Variants in PMM1 observed in about 807,000 individuals in gnomAD.
PMM1 encodes the protein phosphomannomutase 1, also known as brain glucose-1,6-bisphosphatase.
In PMM1, 25 loss-of-function variants were observed where a neutral mutation model predicts 34.0. That is an observed-to-expected ratio of 0.73 (90% CI 0.54 to 1.03). The LOEUF is 1.03. Among genes scored for constraint, PMM1 ranks in the 50% least tolerant of loss-of-function variants. The pLI, the probability that PMM1 is intolerant of heterozygous loss-of-function variation, is 0.00. For synonymous variants in PMM1, 134 were observed against 143.9 expected (o/e 0.93, Z 0.49); for missense variants, 321 against 350.1 (o/e 0.92, Z 0.66).
intron 5 of PMM1, chr22:41,579,123 CT>C: frequency 2.0e-6 from 1 of 508,406 alleles, no homozygotes; most frequent in South Asian, 2.1e-5. Context: ...TGGGCTGGGT[CT>C]TCTGAAGGAG....
intron 1 of PMM1, chr22:41,588,997 C>A: frequency 8.5e-7 from 1 of 1,178,954 alleles, no homozygotes; most frequent in South Asian, 1.3e-5. Flanking sequence ...AAAAACTGAG[C>A]AGAGGTAAGA....
chr22:41,578,043 A>G (rs2067194711), intron 6 of PMM1, 120 bp from the exon 7 acceptor site: 4 of 695,474 alleles, frequency 5.8e-6, no homozygotes, highest in Non-Finnish European at 1.0e-5. Flanking sequence ...GGCCAGGAAT[A>G]GGACACGGGA....
intron 6 of PMM1, among the ~76,000 whole-genome samples, chr22:41,578,299 G>A (rs1242687154): frequency 6.6e-6 from 1 of 152,178 alleles, no homozygotes; most frequent in South Asian, 2.1e-4. Context: ...GGCAGGCCCT[G>A]GGCATCACAT....
At chr22:41,586,654 G>A (rs890369181) in intron 1 of PMM1, among the ~76,000 whole-genome samples, 39 of 151,668 alleles carry the variant, frequency 2.6e-4, no homozygotes, top group African/African-American at 8.7e-4. Flanking sequence ...GATTACAGGC[G>A]CCTGCCACCA....
intron 1 of PMM1, 76 bp downstream of exon 1, chr22:41,589,643 C>A: frequency 7.8e-7 from 1 of 1,281,934 alleles, no homozygotes. Context: ...GGTCACGCTG[C>A]TGCAGACCCC....
At position 41,577,258 on chromosome 22, in the gene PMM1, C is replaced by A. The variant is rs572729107; in HGVS notation, c.*60G>T. ...CCCTGGCATCTATCCAACACCAGGA[C>A]CTCTCTTTAGGCCTAGGCCAAACTC... is the stretch of plus-strand genomic sequence containing the variant. On this transcript the variant is annotated 3_prime_UTR_variant, in exon 8 of 8. Coordinates refer to ENST00000216259, the MANE Select transcript of PMM1 (RefSeq NM_002676.3). 8 of 1,608,040 alleles carry A rather than the reference C, an allele frequency of 5.0e-6. No homozygotes were observed. The African/African-American group carries it at 1.1e-4, about 21-fold the overall frequency.
chr22:41,589,718 C>G lies in PMM1; in HGVS notation c.87+1G>C, dbSNP rs765415944. On this transcript the variant is annotated splice_donor_variant, in intron 1 of 7. Coordinates refer to ENST00000216259, the MANE Select transcript of PMM1 (RefSeq NM_002676.3). LOFTEE classifies it high-confidence loss of function. ...GGAGCTTCCAATCTTCAGGGTCCTA[C>G]CTGGCGAGCCGGCGTGAGGGTCCCG... 1 of 1,610,178 alleles carries G rather than the reference C, an allele frequency of 6.2e-7. No individual in the cohort carries two copies. The highest frequency in any genetic ancestry group is 8.5e-7 in the Non-Finnish European group (1 of 1,178,802).
At position 41,577,845 on chromosome 22, in the gene PMM1, A is replaced by G; in HGVS notation, c.629T>C (p.Phe210Ser). ...GTTCCCAAAGAAGTGGATGGTGTCG[A>G]AGCTGTCCTGGTCCAGGCTATCCAG... ...YCLDSLDQDSFDTIHFFGNET... is the reference protein window; with the variant it reads ...YCLDSLDQDSSDTIHFFGNET... Residue 210 changes from phenylalanine (F) to serine (S), a missense_variant, in exon 7 of 8, where the codon TTC becomes TCC. Coordinates refer to ENST00000216259, the MANE Select transcript of PMM1 (RefSeq NM_002676.3). 6.2e-7 allele frequency: 1 copy of G among 1,613,468 alleles called. No homozygotes were observed. Among genetic ancestry groups the G allele is most frequent in the Non-Finnish European group, 8.5e-7 (1 of 1,179,938 alleles).
chr22:41,584,997 C>G (rs959316463), intron 2 of PMM1: 3 of 160,282 alleles, frequency 1.9e-5, no homozygotes, highest in African/African-American at 7.2e-5. Flanking sequence ...CTATAGCTGC[C>G]ATCGCACTGG....
At position 41,584,547 on chromosome 22, in the gene PMM1, C is replaced by T. The variant is rs763520750; in HGVS notation, c.262G>A (p.Gly88Arg). 8 of 1,613,654 alleles carry T rather than the reference C, an allele frequency of 5.0e-6. No homozygotes were observed. The highest frequency in any genetic ancestry group is 4.0e-5 in the African/African-American group (3 of 74,906). Residue 88 changes from glycine (G) to arginine (R), a missense_variant, in exon 3 of 8, where the codon GGA becomes AGA. By Grantham distance (125) the Gly-to-Arg change is moderately radical. Transcript: ENST00000216259. Reference sequence around the variant, plus strand: ...CTGACCTGCTTGGAGAGCAGTCGTCCGTGCTTATACTGCACCGTCCCGTTC... The same window carrying T: ...CTGACCTGCTTGGAGAGCAGTCGTCTGTGCTTATACTGCACCGTCCCGTTC... ...AENGTVQYKH[G>R]RLLSKQTIQN... is the part of the protein sequence containing the mutation.
In PMM1 at chr22:41,586,171, G is replaced by C. The variant is rs767370450; in HGVS notation, c.110C>G (p.Ala37Gly). 1.2e-6 allele frequency: 2 copies of C among 1,611,518 alleles called. No individual in the cohort carries two copies. The highest frequency in any genetic ancestry group is 1.7e-6 in the Non-Finnish European group (2 of 1,179,730). ...TCTACTTCGTAGCTTCTGCAGGAAG[G>C]CGGCCACCTCAGGGTCAATTTTCTA... is the stretch of plus-strand genomic sequence containing the variant. ...ARQKIDPEVA[A>G]FLQKLRSRVQ... The change falls in exon 2 of 8, where the codon GCC becomes GGC. Residue 37 changes from alanine (A) to glycine (G), a missense_variant. Ala to Gly is a moderately conservative substitution (Grantham distance 60). Transcript: ENST00000216259.
intron 1 of PMM1, chr22:41,586,416 G>T: frequency 2.8e-6 from 2 of 714,200 alleles, no homozygotes; most frequent in Non-Finnish European, 4.2e-6. Flanking sequence ...TGACCCAGGA[G>T]TTTGAGACTA....
chr22:41,586,518 G>A (rs1465725460), intron 1 of PMM1: 2 of 274,478 alleles, frequency 7.3e-6, no homozygotes, highest in South Asian at 4.5e-5. Flanking sequence ...CTGGAGTGCA[G>A]TGGTGTGATT....
At chr22:41,578,361 T>A (rs1288838397) in intron 6 of PMM1, among the ~76,000 whole-genome samples, 1 of 152,048 alleles carries the variant, frequency 6.6e-6, no homozygotes, top group Non-Finnish European at 1.5e-5. Flanking sequence ...ATGTCATGAC[T>A]CCAGCTCCAG....
At chr22:41,586,322 A>G (rs1055281706) in intron 1 of PMM1, 129 bp from the exon 2 acceptor site, 101 of 1,507,216 alleles carry the variant, frequency 6.7e-5, no homozygotes, top group Non-Finnish European at 8.2e-5. Context: ...TACAAAGCTT[A>G]GACACCAAAA....
chr22:41,585,927 A>C (rs6002412), intron 2 of PMM1, 149 bp downstream of exon 2: 1 of 656,084 alleles, frequency 1.5e-6, no homozygotes, highest in Non-Finnish European at 2.6e-6. Context: ...GGCAATAGGA[A>C]GTGCTCAAGT....
intron 1 of PMM1, among the ~76,000 whole-genome samples, chr22:41,588,228 G>C (rs1226310344): frequency 6.6e-6 from 1 of 150,802 alleles, no homozygotes; most frequent in African/African-American, 2.4e-5. Context: ...TTTTTGTTTT[G>C]TTTTGTTTTG....
At position 41,584,360 on chromosome 22, in the gene PMM1, G is replaced by A; in HGVS notation, c.295C>T (p.His99Tyr). Reference sequence around the variant, plus strand: ...TCCTGCAGCAGCTCCTCCCCCAGGTGGTTCTGGATGGTCTGGCCAAGGAAC... The same window carrying A: ...TCCTGCAGCAGCTCCTCCCCCAGGTAGTTCTGGATGGTCTGGCCAAGGAAC... ...RLLSKQTIQN[H>Y]LGEELLQDLI... The change falls in exon 4 of 8, where the codon CAC becomes TAC. Residue 99 changes from histidine (H) to tyrosine (Y), a missense_variant. Transcript: ENST00000216259. The A allele has an allele frequency of 6.2e-7, 1 of 1,614,100 alleles. No individual in the cohort carries two copies. Among genetic ancestry groups the A allele is most frequent in the Non-Finnish European group, 8.5e-7 (1 of 1,179,966 alleles).
At chr22:41,583,597 G>A (rs890095735) in intron 5 of PMM1, among the ~76,000 whole-genome samples, 1 of 152,130 alleles carries the variant, frequency 6.6e-6, no homozygotes, top group African/African-American at 2.4e-5. Context: ...CTGGGGCTGG[G>A]GAAAGGGGTA....
Sources: allele counts gnomAD v4.1 joint callset (sites outside exome capture counted in the v4.1 genomes callset), GRCh38; gene constraint gnomAD v4.1.1; transcripts MANE v1.5; gene names NCBI Gene and HGNC (gene_info 2026-07-23, HGNC 2026-07-21).